Variants in IGF1R observed in about 807,000 individuals in gnomAD.
The protein encoded by IGF1R is insulin like growth factor 1 receptor.
IGF1R carries 44 observed loss-of-function variants against 144.6 expected under a neutral mutation model. The observed-to-expected ratio is 0.30, with a 90% CI of 0.24 to 0.39. The LOEUF (loss-of-function observed/expected upper bound fraction) is 0.39, where lower values mean the gene tolerates loss of function less well. Ranked by LOEUF, IGF1R falls within the 10% of genes least tolerant of loss-of-function variation. The pLI is 1.00. For synonymous variants in IGF1R, 795 were observed against 722.8 expected, an observed-to-expected ratio of 1.10 and a Z score of -1.60; for missense variants, 1,355 against 1,833.7, an observed-to-expected ratio of 0.74 and a Z score of 4.77.
intron 2 of IGF1R, among the ~76,000 whole-genome samples, chr15:98,877,547 A>G (rs957731490): frequency 3.8e-5 from 5 of 131,378 alleles, no homozygotes; most frequent in Non-Finnish European, 7.7e-5. Context: ...AGGTTCTGTC[A>G]AAGAATGTGC....
At chr15:98,860,201 G>A (rs554434485) in intron 2 of IGF1R, among the ~76,000 whole-genome samples, 38 of 152,356 alleles carry the variant, frequency 2.5e-4, no homozygotes, top group Non-Finnish European at 3.8e-4. Flanking sequence ...ATGGCACACC[G>A]TTTCTTAACA....
chr15:98,826,209 C>A (rs2056892386), intron 2 of IGF1R, among the ~76,000 whole-genome samples: 1 of 152,176 alleles, frequency 6.6e-6, no homozygotes, highest in Non-Finnish European at 1.5e-5. Flanking sequence ...ATTTGTTGCA[C>A]TAATACTTAT....
At chr15:98,872,195 A>G (rs2012820087) in intron 2 of IGF1R, among the ~76,000 whole-genome samples, 2 of 152,250 alleles carry the variant, frequency 1.3e-5, no homozygotes, top group African/African-American at 4.8e-5. Context: ...GTGCTGAAAA[A>G]CTAGAATTTG....
chr15:98,775,483 A>G (rs2055689964), intron 2 of IGF1R, among the ~76,000 whole-genome samples: 1 of 152,046 alleles, frequency 6.6e-6, no homozygotes, highest in African/African-American at 2.4e-5. Flanking sequence ...GTTGCCCTAG[A>G]CACTGTTCTT....
At chr15:98,744,782 C>T (rs367999127) in intron 2 of IGF1R, among the ~76,000 whole-genome samples, 5 of 150,302 alleles carry the variant, frequency 3.3e-5, no homozygotes, top group Admixed American at 6.6e-5. Context: ...TTTCTTTTGG[C>T]GTTTGTGATG....
intron 1 of IGF1R, among the ~76,000 whole-genome samples, chr15:98,695,017 G>T (rs1483740607): frequency 6.6e-6 from 1 of 152,196 alleles, no homozygotes; most frequent in Non-Finnish European, 1.5e-5. Context: ...GGAAAATGTT[G>T]TATGTGCAGG....
At chr15:98,705,009 G>A (rs966521475) in intron 1 of IGF1R, among the ~76,000 whole-genome samples, 1 of 147,888 alleles carries the variant, frequency 6.8e-6, no homozygotes, top group Admixed American at 6.8e-5. Flanking sequence ...TATGTGGGGG[G>A]ATGAGTGAGT....
rs560780856 is a variant in IGF1R, at chr15:98,935,080, A to C, written c.3186+27A>C. Reference sequence around the variant, plus strand: ...TAAGAGAAAGTTCCTGAAAAGCCAAAATGCAGCACAGGGAGAGGGTATCAC... The same window carrying C: ...TAAGAGAAAGTTCCTGAAAAGCCAACATGCAGCACAGGGAGAGGGTATCAC... On this transcript the variant is annotated intron_variant, in intron 16 of 20. Coordinates refer to ENST00000650285, the MANE Select transcript of IGF1R (RefSeq NM_000875.5). The surrounding 1 kb of genome is among the most constrained non-coding windows in gnomAD (Gnocchi z 4.2). The C allele has an allele frequency of 4.3e-5, 67 of 1,550,244 alleles. No homozygotes were observed. The South Asian group carries it at 7.1e-4, about 17-fold the overall frequency.
intron 1 of IGF1R, among the ~76,000 whole-genome samples, chr15:98,662,904 G>A (rs2052634435): frequency 6.6e-6 from 1 of 152,142 alleles, no homozygotes; most frequent in African/African-American, 2.4e-5. Context: ...GGAATTGACT[G>A]CTGGCTAGAG....
chr15:98,790,671 TCAAC>T (rs1219762361), intron 2 of IGF1R, among the ~76,000 whole-genome samples: 1 of 152,194 alleles, frequency 6.6e-6, no homozygotes, highest in East Asian at 1.9e-4. Flanking sequence ...AGAGAAAGAC[TCAAC>T]CAGAGTCTTC....
At chr15:98,907,269 G>A (rs1214720528) in intron 5 of IGF1R, among the ~76,000 whole-genome samples, 2 of 152,226 alleles carry the variant, frequency 1.3e-5, no homozygotes, top group Non-Finnish European at 2.9e-5. Context: ...TACTGTAAAT[G>A]AGAATCAGGC....
rs548526430 is a variant in IGF1R, at chr15:98,914,554, C to T, written c.1828+1272C>T. 2.8e-4 allele frequency among the ~76,000 whole-genome samples: 42 copies of T among 152,300 alleles called. 1 individual carries two copies. The South Asian group carries it at 3.9e-3, about 14-fold the overall frequency. ...AAATTGGCACAGGCTTCTGATCCTGCGTGTGGGTTGGTGTAGCAGAGGTTC... is the reference window on the plus strand; with the variant it reads ...AAATTGGCACAGGCTTCTGATCCTGTGTGTGGGTTGGTGTAGCAGAGGTTC... On this transcript the variant is annotated intron_variant, in intron 8 of 20. Transcript: ENST00000650285.
At chr15:98,813,225 G>T (rs906447020) in intron 2 of IGF1R, among the ~76,000 whole-genome samples, 1 of 152,154 alleles carries the variant, frequency 6.6e-6, no homozygotes, top group African/African-American at 2.4e-5. Context: ...GGTAGTGAAT[G>T]AGTACAATGC....
At chr15:98,729,347 T>G (rs1290264251) in intron 2 of IGF1R, among the ~76,000 whole-genome samples, 1 of 152,214 alleles carries the variant, frequency 6.6e-6, no homozygotes, top group Non-Finnish European at 1.5e-5. Flanking sequence ...TCCCAGAAAG[T>G]AATAAGCACT....
rs1044470057 is a variant in IGF1R at position 98,649,073 on chromosome 15, C to G, written c.-509C>G. On this transcript the variant is annotated 5_prime_UTR_variant, in exon 1 of 21. Transcript: ENST00000650285. ...GGGGAGCCGCTCATTCATTTTGACTCCGCGTTTCTGCCCCTCGCCGGCCTC... is the reference window on the plus strand; with the variant it reads ...GGGGAGCCGCTCATTCATTTTGACTGCGCGTTTCTGCCCCTCGCCGGCCTC... 4.6e-6 allele frequency: 1 copy of G among 219,690 alleles called. No homozygotes were observed. Among genetic ancestry groups the G allele is most frequent in the African/African-American group, 2.3e-5 (1 of 44,132 alleles). 13.6% of individuals were successfully genotyped at this position (219,690 alleles called of 1,614,324 possible).
At chr15:98,740,899 T>A (rs1216962201) in intron 2 of IGF1R, among the ~76,000 whole-genome samples, 2 of 152,226 alleles carry the variant, frequency 1.3e-5, no homozygotes, top group Admixed American at 1.3e-4. Context: ...TAGTGAAATT[T>A]AATTTTCTAG....
chr15:98,668,471 C>T (rs1202811538), intron 1 of IGF1R, among the ~76,000 whole-genome samples: 4 of 152,174 alleles, frequency 2.6e-5, no homozygotes, highest in African/African-American at 4.8e-5. Flanking sequence ...TTCAGGATGG[C>T]GCTGAGCACA....
rs2014228340 is a variant in IGF1R at position 98,896,922 on chromosome 15, C to G, written c.1102+17C>G. ...GACGGGGGAGTAAGTATTCCATCCC[C>G]CTGGAAAAACGGCTAGATCTCATGG... On this transcript the variant is annotated intron_variant, in intron 4 of 20. Coordinates refer to ENST00000650285, the MANE Select transcript of IGF1R (RefSeq NM_000875.5). 6.2e-7 allele frequency: 1 copy of G among 1,613,352 alleles called. No individual in the cohort carries two copies. The highest frequency in any genetic ancestry group is 2.2e-5 in the East Asian group (1 of 44,874).
chr15:98,651,890 A>AT (rs2052376730), intron 1 of IGF1R, among the ~76,000 whole-genome samples: 2 of 152,132 alleles, frequency 1.3e-5, no homozygotes, highest in African/African-American at 4.8e-5. Context: ...TGAAATGTGG[A>AT]GAATTAAAAG....
Sources: gnomAD v4.1 joint callset for allele counts (sites outside exome capture counted in the v4.1 genomes callset) on GRCh38, gnomAD v4.1.1 for gene constraint, Gnocchi (gnomAD v3.1) non-coding constraint, MANE v1.5 for transcripts, NCBI Gene and HGNC (gene_info 2026-07-23, HGNC 2026-07-21) for gene names.